AZIN2: variants seen among roughly 807,000 people sequenced by gnomAD.
The protein encoded by AZIN2 is antizyme inhibitor 2, also known as ODC antizyme inhibitor-2.
In AZIN2, 28 loss-of-function variants were observed where a neutral mutation model predicts 47.8. The observed-to-expected ratio is 0.59, with a 90% CI of 0.43 to 0.80. The LOEUF (loss-of-function observed/expected upper bound fraction) is 0.80, where lower values mean the gene tolerates loss of function less well. AZIN2 is among the 30% of genes least tolerant of loss of function. The pLI is 0.00. For missense variants in AZIN2, 535 were observed against 582.5 expected, an observed-to-expected ratio of 0.92 and a Z score of 0.84; for synonymous variants, 221 against 239.4, an observed-to-expected ratio of 0.92 and a Z score of 0.71.
chr1:33,101,326 A>G (rs977804994), intron 10 of AZIN2, among the ~76,000 whole-genome samples: 2 of 152,184 alleles, frequency 1.3e-5, no homozygotes, highest in Non-Finnish European at 2.9e-5. Flanking sequence ...GGCATGAACC[A>G]CTGTGCCTGG....
chr1:33,136,994 C>G, the AZIN2 span, among the ~76,000 whole-genome samples: 1 of 148,648 alleles, frequency 6.7e-6, no homozygotes, highest in African/African-American at 2.5e-5. Context: ...AAGACTCAGT[C>G]TCCAAAAAAA....
chr1:33,085,147 C>CT (rs577537373), intron 5 of AZIN2, among the ~76,000 whole-genome samples: 166 of 150,784 alleles, frequency 1.1e-3, no homozygotes, highest in African/African-American at 4.0e-3. Flanking sequence ...GGCATCTCTT[C>CT]TGAGGCCAAG....
At chr1:33,165,602 C>A in the AZIN2 span, 2 of 1,547,848 alleles carry the variant, frequency 1.3e-6, no homozygotes, top group Non-Finnish European at 8.8e-7. The surrounding 1 kb of genome is among the most constrained non-coding windows in gnomAD (Gnocchi z 4.0). Context: ...GGGGCAGGGG[C>A]CATGCCTGGC....
chr1:33,101,443 G>A (rs941243055), intron 10 of AZIN2, among the ~76,000 whole-genome samples: 1 of 149,066 alleles, frequency 6.7e-6, no homozygotes, highest in Non-Finnish European at 1.5e-5. Context: ...TTCCTGATTG[G>A]TGAATTTCCT....
rs560745554 is a variant in AZIN2 at position 33,117,317 on chromosome 1, T to G, written c.1030-585T>G. Among the ~76,000 whole-genome samples the G allele has an allele frequency of 5.9e-4, 90 of 152,138 alleles. 1 individual carries two copies. The highest frequency in any genetic ancestry group is 2.1e-3 in the African/African-American group (88 of 41,534). On this transcript the variant is annotated intron_variant, in intron 10 of 11. Transcript: ENST00000294517. Reference sequence around the variant, plus strand: ...CTGGCTCCTGTTGTGGGGCCTGGCATGGAGTGAGGACATCTGGGAGGGCTT... The same window carrying G: ...CTGGCTCCTGTTGTGGGGCCTGGCAGGGAGTGAGGACATCTGGGAGGGCTT...
chr1:33,156,168 T>A, the AZIN2 span, among the ~76,000 whole-genome samples: 1 of 152,228 alleles, frequency 6.6e-6, no homozygotes, highest in Admixed American at 6.5e-5. Context: ...CTTCCTCTCC[T>A]ACATCCTTAA....
At chr1:33,135,951 C>T in the AZIN2 span, among the ~76,000 whole-genome samples, 3,098 of 151,840 alleles carry the variant, frequency 0.02, 66 homozygotes, top group African/African-American at 0.046. Context: ...CCCACCCTGC[C>T]GGTAATGTAT....
chr1:33,160,305 C>A, the AZIN2 span, among the ~76,000 whole-genome samples: 4 of 151,924 alleles, frequency 2.6e-5, no homozygotes, highest in African/African-American at 9.7e-5. Context: ...AGGTTTCTGG[C>A]TTGGGGGTAG....
At chr1:33,132,345 C>T in the AZIN2 span, among the ~76,000 whole-genome samples, 9 of 152,246 alleles carry the variant, frequency 5.9e-5, no homozygotes, top group African/African-American at 1.9e-4. Flanking sequence ...GCAACTACTT[C>T]ATTCTGCCCT....
At chr1:33,147,696 T>G in the AZIN2 span, 1 of 1,613,194 alleles carries the variant, frequency 6.2e-7, no homozygotes, top group Non-Finnish European at 8.5e-7. The surrounding 1 kb of genome is among the most constrained non-coding windows in gnomAD (Gnocchi z 8.1). Context: ...GCTGGTGGGC[T>G]GTGCCCGGGT....
At chr1:33,147,945 A>C in the AZIN2 span, among the ~76,000 whole-genome samples, 1 of 152,110 alleles carries the variant, frequency 6.6e-6, no homozygotes, top group Non-Finnish European at 1.5e-5. This position sits in a 1 kb window ranked among gnomAD's most constrained non-coding sequence, Gnocchi z 8.1. Flanking sequence ...TCTGCAGGGG[A>C]GCAGGGGCTA....
chr1:33,117,804 C>T lies in AZIN2; in HGVS notation c.1030-98C>T, dbSNP rs1644620716. The T allele has an allele frequency of 3.0e-6, 4 of 1,328,550 alleles. No individual in the cohort carries two copies. In the East Asian group the frequency reaches 6.9e-5, roughly 23 times the overall value. 82.3% of individuals were successfully genotyped at this position (1,328,550 alleles called of 1,614,324 possible). A position where few individuals can be genotyped will look rare whatever the true frequency, so the allele number is the denominator to read the frequency against. Reference sequence around the variant, plus strand: ...CTAGGAGGCCCATCTAGACTTTATCCTGTTGGCTATGGGAGCCATAGAAGG... The same window carrying T: ...CTAGGAGGCCCATCTAGACTTTATCTTGTTGGCTATGGGAGCCATAGAAGG... On this transcript the variant is annotated intron_variant, in intron 10 of 11. Transcript: ENST00000294517.
At chr1:33,159,756 G>T in the AZIN2 span, 1 of 1,613,458 alleles carries the variant, frequency 6.2e-7, no homozygotes, top group Non-Finnish European at 8.5e-7. The surrounding 1 kb of genome is among the most constrained non-coding windows in gnomAD (Gnocchi z 4.2). Flanking sequence ...GCTCCTGCAG[G>T]ATCTGGGCTC....
At chr1:33,109,504 T>C (rs955582412) in intron 10 of AZIN2, among the ~76,000 whole-genome samples, 30 of 152,164 alleles carry the variant, frequency 2.0e-4, no homozygotes, top group Admixed American at 1.8e-3. Context: ...AGTTTTTGTA[T>C]TTTTAGTAGA....
At chr1:33,149,340 G>C in the AZIN2 span, among the ~76,000 whole-genome samples, 1 of 152,028 alleles carries the variant, frequency 6.6e-6, no homozygotes, top group Non-Finnish European at 1.5e-5. Context: ...TTTTAGTAGA[G>C]ACAGGGTTTC....
chr1:33,107,737 T>C (rs59590368), intron 10 of AZIN2, among the ~76,000 whole-genome samples: 2,895 of 152,284 alleles, frequency 0.019, 76 homozygotes, highest in East Asian at 0.08. Flanking sequence ...ATCCCATTTA[T>C]AATTGCATCA....
chr1:33,094,667 G>T lies in AZIN2; in HGVS notation c.707G>T (p.Gly236Val), dbSNP rs890036112. ...LGHKMHVLDL[G>V]GGFPGTEGAK... ...CACAAGATGCACGTTCTGGACCTTG[G>T]TGGTGGCTTCCCTGGCACAGAAGGG... is the stretch of plus-strand genomic sequence containing the variant. Residue 236 changes from glycine to valine, a missense_variant, in exon 8 of 12, where the codon GGT becomes GTT. By Grantham distance (109) the Gly-to-Val change is moderately radical. Coordinates refer to ENST00000294517, the MANE Select transcript of AZIN2 (RefSeq NM_052998.4). The T allele has an allele frequency of 6.2e-7, 1 of 1,614,208 alleles. No individual in the cohort carries two copies. Among genetic ancestry groups the T allele is most frequent in the South Asian group, 1.1e-5 (1 of 91,086 alleles).
At chr1:33,095,012 C>T (rs759902236) in intron 8 of AZIN2, among the ~76,000 whole-genome samples, 2 of 152,104 alleles carry the variant, frequency 1.3e-5, no homozygotes, top group Non-Finnish European at 2.9e-5. Context: ...CTTTAAGGGG[C>T]GGGATAGGCC....
At chr1:33,135,628 A>T in the AZIN2 span, among the ~76,000 whole-genome samples, 1 of 152,088 alleles carries the variant, frequency 6.6e-6, no homozygotes, top group African/African-American at 2.4e-5. Context: ...CTGTCCCTCA[A>T]ACATGCTGTT....
Sources: allele counts gnomAD v4.1 joint callset (sites outside exome capture counted in the v4.1 genomes callset), GRCh38; gene constraint gnomAD v4.1.1; non-coding constraint Gnocchi (gnomAD v3.1); transcripts MANE v1.5; gene names NCBI Gene and HGNC (gene_info 2026-07-23, HGNC 2026-07-21).